Variants in ANKRD11 observed in about 807,000 individuals in gnomAD.
ANKRD11 encodes the protein ankyrin repeat domain 11.
Under a neutral mutation model 195.7 loss-of-function variants are expected in ANKRD11, and 17 were observed. The observed-to-expected ratio is 0.09, with a 90% CI of 0.06 to 0.13. The LOEUF (loss-of-function observed/expected upper bound fraction) is 0.13, where lower values mean the gene tolerates loss of function less well. Among genes scored for constraint, ANKRD11 ranks in the 10% least tolerant of loss-of-function variants. ANKRD11 has a pLI of 1.00. For missense variants in ANKRD11, 3,735 were observed against 3,566.1 expected, an observed-to-expected ratio of 1.05 and a Z score of -1.21; for synonymous variants, 1,953 against 1,528.1, an observed-to-expected ratio of 1.28 and a Z score of -6.49.
intron 2 of ANKRD11, among the ~76,000 whole-genome samples, chr16:89,322,475 T>TC (rs1180873266): frequency 6.6e-6 from 1 of 152,164 alleles, no homozygotes; most frequent in Non-Finnish European, 1.5e-5. Context: ...ATTCAGCCCC[T>TC]CCCCTCACGC....
chr16:89,446,396 G>C (rs897576448), intron 1 of ANKRD11, among the ~76,000 whole-genome samples: 23 of 152,264 alleles, frequency 1.5e-4, no homozygotes, highest in African/African-American at 5.3e-4. Context: ...TTGAGCCCTG[G>C]AGTTCGAGAC....
intron 2 of ANKRD11, among the ~76,000 whole-genome samples, chr16:89,382,172 C>T (rs555449280): frequency 6.6e-6 from 1 of 152,244 alleles, no homozygotes; most frequent in South Asian, 2.1e-4. Context: ...CCCATCTCCT[C>T]TTTCCCCTGG....
chr16:89,290,320 GGAGGC>G (rs2034960333), intron 6 of ANKRD11, among the ~76,000 whole-genome samples: 2 of 123,186 alleles, frequency 1.6e-5, no homozygotes, highest in African/African-American at 6.4e-5. Context: ...TCCAATGGGG[GGAGGC>G]TCAGGGCTCC....
chr16:89,279,807 G>C lies in ANKRD11; in HGVS notation c.6735C>G (p.Pro2245=). ...CGCTCCCCAGTGGGCGCTGTTCTGG[G>C]GGAACGGGCGCGGGCTCCACGCTGG... The part of the protein sequence containing the change: ...PDSSVEPAPV[P]PEQRPLGSGD... The change falls in exon 9 of 13, where the codon CCC becomes CCG. Residue 2245 remains proline, a synonymous_variant. Transcript: ENST00000301030. This position sits in a 1 kb window ranked among gnomAD's most constrained non-coding sequence, Gnocchi z 5.6. 6.5e-7 allele frequency: 1 copy of C among 1,541,560 alleles called. No individual in the cohort carries two copies. The highest frequency in any genetic ancestry group is 1.4e-5 in the African/African-American group (1 of 73,188).
At chr16:89,362,488 G>A (rs1054904619) in intron 2 of ANKRD11, among the ~76,000 whole-genome samples, 2 of 152,198 alleles carry the variant, frequency 1.3e-5, no homozygotes, top group African/African-American at 4.8e-5. Context: ...TCAATCCCAC[G>A]TGACTGAACC....
intron 4 of ANKRD11, among the ~76,000 whole-genome samples, chr16:89,294,661 C>A (rs2035296015): frequency 6.6e-6 from 1 of 152,220 alleles, no homozygotes; most frequent in African/African-American, 2.4e-5. Context: ...CATTCCAACC[C>A]AGCGACACCA....
rs1348327871 is a variant in ANKRD11 at position 89,281,656 on chromosome 16, T to C, written c.4886A>G (p.Asp1629Gly). ...KLKEKAKPAD[D>G]GRKKGLDIPA... The stretch of plus-strand genomic sequence containing the variant: ...AATGTCCAGACCCTTCTTCCGCCCG[T>C]CGTCTGCCGGCTTCGCCTTCTCCTT... The change falls in exon 9 of 13, where the codon GAC (aspartate) becomes GGC (glycine). Residue 1629 changes from aspartate (D) to glycine (G), a missense_variant. By Grantham distance (94) the Asp-to-Gly change is moderately conservative. Coordinates refer to ENST00000301030, the MANE Select transcript of ANKRD11 (RefSeq NM_013275.6). This position sits in a 1 kb window ranked among gnomAD's most constrained non-coding sequence, Gnocchi z 5.5. The C allele has an allele frequency of 1.9e-6, 3 of 1,614,058 alleles. No individual in the cohort carries two copies. The highest frequency in any genetic ancestry group is 2.2e-5 in the East Asian group (1 of 44,886).
In ANKRD11 at chr16:89,287,448, G is replaced by A. The variant is rs567373558; in HGVS notation, c.744+1080C>T. On this transcript the variant is annotated intron_variant, in intron 7 of 12. Transcript: ENST00000301030. ...AATTCCAGGGTCCTTGACATTTTTCGTAATAAAAAGTTTAAAAGTGGTAAT... is the reference window on the plus strand; with the variant it reads ...AATTCCAGGGTCCTTGACATTTTTCATAATAAAAAGTTTAAAAGTGGTAAT... 1.8e-5 allele frequency: 4 copies of A among 227,250 alleles called. No homozygotes were observed. The East Asian group carries it at 3.3e-4, about 19-fold the overall frequency. 14.1% of individuals were successfully genotyped at this position (227,250 alleles called of 1,614,324 possible).
intron 1 of ANKRD11, among the ~76,000 whole-genome samples, chr16:89,475,961 T>A (rs990332578): frequency 2.0e-5 from 3 of 149,858 alleles, no homozygotes; most frequent in African/African-American, 2.5e-5. Flanking sequence ...CTGAGGCAGA[T>A]GAAGTGCTTG....
At chr16:89,330,933 T>C (rs1017489195) in intron 2 of ANKRD11, among the ~76,000 whole-genome samples, 1 of 152,176 alleles carries the variant, frequency 6.6e-6, no homozygotes, top group African/African-American at 2.4e-5. Flanking sequence ...AAATTAAAAT[T>C]TTGAAAAATA....
intron 3 of ANKRD11, among the ~76,000 whole-genome samples, chr16:89,312,766 G>C (rs1160387070): frequency 6.6e-6 from 1 of 152,196 alleles, no homozygotes; most frequent in Non-Finnish European, 1.5e-5. Context: ...TCTGAGTACA[G>C]ACCCCATGCC....
At chr16:89,477,106 A>T (rs1274643771) in intron 1 of ANKRD11, among the ~76,000 whole-genome samples, 1 of 152,238 alleles carries the variant, frequency 6.6e-6, no homozygotes, top group African/African-American at 2.4e-5. Context: ...CTACTATTTA[A>T]AACACGAGAG....
rs71134215 is a variant in ANKRD11 at position 89,388,293 on chromosome 16, ATTTT to A, written c.-60+29987_-60+29990del. ...GTGCTCTCTTCTCTCCATGAGGCTG[ATTTT>A]TTTTTTTTTTTTTTTTTTGAGACGG... On this transcript the variant is annotated intron_variant, in intron 2 of 12. Transcript: ENST00000301030. Among the ~76,000 whole-genome samples, 254 of 85,288 alleles carry A rather than the reference ATTTT, an allele frequency of 3.0e-3. 4 individuals are homozygous for A. Among genetic ancestry groups the A allele is most frequent in the African/African-American group, 9.5e-3 (223 of 23,354 alleles). The allele number at this position is 85,288 out of a possible 152,430, so 56.0% of individuals were successfully genotyped here. A position where few individuals can be genotyped will look rare whatever the true frequency, so the allele number is the denominator to read the frequency against.
At chr16:89,330,996 C>CA (rs2038036192) in intron 2 of ANKRD11, among the ~76,000 whole-genome samples, 1 of 152,222 alleles carries the variant, frequency 6.6e-6, no homozygotes, top group Non-Finnish European at 1.5e-5. Context: ...CTTTGTCGCC[C>CA]AGGCTGGAGT....
At chr16:89,357,669 G>A (rs1026042741) in intron 2 of ANKRD11, among the ~76,000 whole-genome samples, 3 of 152,306 alleles carry the variant, frequency 2.0e-5, no homozygotes, top group East Asian at 1.9e-4. Flanking sequence ...AGCATAACGC[G>A]ACTCAGCCCT....
Position 89,279,999 on chromosome 16 carries a change from G to A in ANKRD11, c.6543C>T (p.Thr2181=), listed in dbSNP as rs766007820. The change falls in exon 9 of 13, where the codon ACC becomes ACT. Residue 2181 remains threonine, a synonymous_variant. Transcript: ENST00000301030. The surrounding 1 kb of genome is among the most constrained non-coding windows in gnomAD (Gnocchi z 5.6). ...GTGCCGGCGGCTCCTCAGCCACTAC[G>A]GTGGAAACATCCCCACCGTTTATGA... is the stretch of plus-strand genomic sequence containing the variant. ...PGVINGGDVS[T]VVAEEPPALP... 2.5e-6 allele frequency: 4 copies of A among 1,612,180 alleles called. No homozygotes were observed. The highest frequency in any genetic ancestry group is 1.1e-5 in the South Asian group (1 of 91,076).
At chr16:89,314,187 G>T (rs12931085) in intron 3 of ANKRD11, among the ~76,000 whole-genome samples, 1 of 152,150 alleles carries the variant, frequency 6.6e-6, no homozygotes, top group Non-Finnish European at 1.5e-5. Context: ...GGAGGGTGCA[G>T]AAGTTGCAGT....
chr16:89,448,264 A>G (rs763590762), intron 1 of ANKRD11, among the ~76,000 whole-genome samples: 3 of 152,228 alleles, frequency 2.0e-5, no homozygotes, highest in Non-Finnish European at 4.4e-5. Context: ...GGGAGAATAT[A>G]TGTGCAAATT....
intron 11 of ANKRD11, 186 bp from the exon 12 acceptor site, chr16:89,271,095 A>C: frequency 1.5e-6 from 1 of 657,752 alleles, no homozygotes; most frequent in Non-Finnish European, 2.8e-6. Context: ...CTCCCTAAAC[A>C]GCCTCCCTAA....
Sources: allele counts gnomAD v4.1 joint callset (sites outside exome capture counted in the v4.1 genomes callset), GRCh38; gene constraint gnomAD v4.1.1; non-coding constraint Gnocchi (gnomAD v3.1); transcripts MANE v1.5; gene names NCBI Gene and HGNC (gene_info 2026-07-23, HGNC 2026-07-21).